Variants in CENPV observed in about 807,000 individuals in gnomAD.
The protein encoded by CENPV is nuclear protein p30.
In CENPV, 15 loss-of-function variants were observed where a neutral mutation model predicts 26.4. The ratio of observed to expected loss-of-function variants is 0.57; its 90% confidence interval spans 0.38 to 0.88. The LOEUF (loss-of-function observed/expected upper bound fraction) is 0.88. Among genes scored for constraint, CENPV ranks in the 40% least tolerant of loss-of-function variants. The probability of loss-of-function intolerance (pLI) is 0.00; values close to 1 mark genes in which losing one functional copy is unlikely to be tolerated. For synonymous variants in CENPV, 172 were observed against 165.5 expected, an observed-to-expected ratio of 1.04 and a Z score of -0.30; for missense variants, 336 against 376.5, an observed-to-expected ratio of 0.89 and a Z score of 0.89.
chr17:16,349,357 C>T (rs1051133417), intron 2 of CENPV: 7 of 985,810 alleles, frequency 7.1e-6, no homozygotes, highest in Non-Finnish European at 8.4e-6. Context: ...GGACTGGATG[C>T]TGTTAAATAA....
At chr17:16,345,124 T>C (rs1238968916) in intron 3 of CENPV, among the ~76,000 whole-genome samples, 1 of 151,332 alleles carries the variant, frequency 6.6e-6, no homozygotes, top group Non-Finnish European at 1.5e-5. Context: ...TAGCCGGGTG[T>C]GGTGGCAGGC....
chr17:16,352,533 T>C (rs1600911341), intron 1 of CENPV, among the ~76,000 whole-genome samples: 2 of 152,168 alleles, frequency 1.3e-5, no homozygotes, highest in Admixed American at 1.3e-4. Context: ...GGGATTTTGC[T>C]TCCCAGTGAG....
In CENPV at chr17:16,344,580, C is replaced by A. The variant is rs2093196954; in HGVS notation, c.694+17G>T. 6.8e-7 allele frequency: 1 copy of A among 1,481,136 alleles called. No individual in the cohort carries two copies. Among genetic ancestry groups the A allele is most frequent in the Non-Finnish European group, 9.2e-7 (1 of 1,091,096 alleles). The allele number at this position is 1,481,136 out of a possible 1,614,324, so 91.7% of individuals were successfully genotyped here. On this transcript the variant is annotated intron_variant, in intron 4 of 4. Coordinates refer to ENST00000299736, the MANE Select transcript of CENPV (RefSeq NM_181716.3). ...CTCTGTGTCCCCCTGAGCTTGCAGT[C>A]CATCCCCTTTACTCACCGAAGCCTC...
intron 3 of CENPV, among the ~76,000 whole-genome samples, chr17:16,346,209 C>G (rs985196860): frequency 6.6e-6 from 1 of 152,134 alleles, no homozygotes; most frequent in Admixed American, 6.6e-5. Context: ...TGTACATATG[C>G]TTTAGCACAC....
Position 16,348,701 on chromosome 17 carries a change from G to C in CENPV, c.510-16C>G. On this transcript the variant is annotated splice_polypyrimidine_tract_variant and intron_variant, in intron 2 of 4. Coordinates refer to ENST00000299736, the MANE Select transcript of CENPV (RefSeq NM_181716.3). Reference sequence around the variant, plus strand: ...AATGCTGCAACTACAGAAAGACAGAGCAAATTCCAGATTGTGAGCAGCCAC... The same window carrying C: ...AATGCTGCAACTACAGAAAGACAGACCAAATTCCAGATTGTGAGCAGCCAC... The C allele has an allele frequency of 3.1e-6, 5 of 1,613,600 alleles. No homozygotes were observed. Among genetic ancestry groups the C allele is most frequent in the Non-Finnish European group, 4.2e-6 (5 of 1,179,658 alleles).
At chr17:16,344,014 T>TATA (rs2093194288) in intron 4 of CENPV, among the ~76,000 whole-genome samples, 1 of 152,124 alleles carries the variant, frequency 6.6e-6, no homozygotes, top group African/African-American at 2.4e-5. Flanking sequence ...GCTTGTTTAT[T>TATA]ATTTTTTAAA....
At position 16,342,898 on chromosome 17, in the gene CENPV, C is replaced by T. The variant is rs2093188427; in HGVS notation, c.738G>A (p.Met246Ile). The change falls in exon 5 of 5, where the codon ATG (methionine) becomes ATA (isoleucine). Residue 246 changes from methionine to isoleucine, a missense_variant. By Grantham distance (10) the Met-to-Ile change is conservative (BLOSUM62 1). This residue lies in a region of CENPV where 155 missense variants were observed against 227.8 expected (regional missense o/e 0.68). Transcript: ENST00000299736. ...HCLDEGTVRS[M>I]VTEEFNGSDW... ...CGCTGCCATTGAATTCCTCAGTGAC[C>T]ATACTCCGCACAGTGCCCTCATCCA... 6.2e-7 allele frequency: 1 copy of T among 1,614,048 alleles called. No individual in the cohort carries two copies. Among genetic ancestry groups the T allele is most frequent in the South Asian group, 1.1e-5 (1 of 91,088 alleles).
chr17:16,351,104 G>C (rs2093227016), intron 1 of CENPV: 1 of 151,868 alleles, frequency 6.6e-6, no homozygotes, highest in African/African-American at 2.4e-5. Flanking sequence ...AGCTAATTTT[G>C]TATTTTTAGT....
At chr17:16,351,580 T>A (rs553140845) in intron 1 of CENPV, 1 of 152,360 alleles carries the variant, frequency 6.6e-6, no homozygotes, top group African/African-American at 2.4e-5. Context: ...CAGAGGGATC[T>A]ACAGTTAATT....
At chr17:16,352,180 A>G (rs529307315) in intron 1 of CENPV, among the ~76,000 whole-genome samples, 87 of 152,330 alleles carry the variant, frequency 5.7e-4, no homozygotes, top group African/African-American at 2.0e-3. Context: ...TGACACTGAA[A>G]TATAATATCA....
chr17:16,348,979 G>A (rs1004694691), intron 2 of CENPV: 84 of 1,086,818 alleles, frequency 7.7e-5, no homozygotes, highest in Non-Finnish European at 8.8e-5. Flanking sequence ...AGAAGCGCTG[G>A]ACTTCAGAGA....
intron 3 of CENPV, among the ~76,000 whole-genome samples, chr17:16,345,952 T>C (rs956787306): frequency 6.6e-6 from 1 of 152,138 alleles, no homozygotes; most frequent in African/African-American, 2.4e-5. Flanking sequence ...CCTTAATGGA[T>C]AATACAAACG....
chr17:16,350,919 T>G (rs1232018723), intron 1 of CENPV: 1 of 152,106 alleles, frequency 6.6e-6, no homozygotes, highest in African/African-American at 2.4e-5. Context: ...TACATAGTTG[T>G]AATACACATT....
intron 1 of CENPV, among the ~76,000 whole-genome samples, chr17:16,352,017 C>T (rs970755784): frequency 3.3e-5 from 5 of 152,140 alleles, no homozygotes; most frequent in Non-Finnish European, 7.4e-5. Flanking sequence ...TATCTTCTGT[C>T]GGGGACGACT....
intron 3 of CENPV, among the ~76,000 whole-genome samples, chr17:16,345,522 G>T (rs1447763471): frequency 6.6e-6 from 1 of 151,938 alleles, no homozygotes; most frequent in Non-Finnish European, 1.5e-5. Flanking sequence ...AGTGGGCTGA[G>T]ATCGCACCAT....
At chr17:16,348,335 T>G (rs2093215984) in intron 3 of CENPV, 1 of 470,006 alleles carries the variant, frequency 2.1e-6, no homozygotes, top group Non-Finnish European at 3.2e-6. Context: ...TTTTGTATTT[T>G]TAGTAGAGAT....
intron 3 of CENPV, among the ~76,000 whole-genome samples, chr17:16,346,140 A>T (rs551615115): frequency 1.4e-4 from 21 of 152,360 alleles, no homozygotes; most frequent in Middle Eastern, 6.8e-3. Context: ...GTGCTCACAT[A>T]TATCAGTCAC....
rs149190988 is a variant in CENPV, at chr17:16,349,638, A to G, written c.509+293T>C. 1,777 of 1,141,550 alleles carry G rather than the reference A, an allele frequency of 1.6e-3. 19 individuals carry two copies. The African/African-American group carries it at 0.027, about 17-fold the overall frequency. The allele number at this position is 1,141,550 out of a possible 1,614,324, so 70.7% of individuals were successfully genotyped here. ...TACCCAGCCAGGCACACCTGCAGCT[A>G]ACCGCCCCCGGCTCCTCAGCAGTGT... On this transcript the variant is annotated intron_variant, in intron 2 of 4. Coordinates refer to ENST00000299736, the MANE Select transcript of CENPV (RefSeq NM_181716.3).
chr17:16,342,929 T>TG lies in CENPV; in HGVS notation c.706dup (p.His236ProfsTer5). On this transcript the variant is annotated frameshift_variant, in exon 5 of 5. Transcript: ENST00000299736. LOFTEE classifies it high-confidence loss of function. ...CCGCACAGTGCCCTCATCCAGGCAG[T>TG]GGGGGGCAATTCCTACGAGAAAGTG... 1 of 1,614,098 alleles carries TG rather than the reference T, an allele frequency of 6.2e-7. No homozygotes were observed. The highest frequency in any genetic ancestry group is 8.5e-7 in the Non-Finnish European group (1 of 1,180,012).
Sources: allele counts gnomAD v4.1 joint callset (sites outside exome capture counted in the v4.1 genomes callset), GRCh38; gene constraint gnomAD v4.1.1; regional missense constraint gnomAD v4.1.1; transcripts MANE v1.5; gene names NCBI Gene and HGNC (gene_info 2026-07-23, HGNC 2026-07-21).